NRL: variants seen among roughly 807,000 people sequenced by gnomAD.
NRL encodes neural retina-specific leucine zipper protein.
A neutral mutation model predicts 12.5 loss-of-function variants in NRL; 16 were observed. That is an observed-to-expected ratio of 1.28 (90% CI 0.87 to 1.95). The LOEUF is 1.95. Ranked by LOEUF, NRL falls within the 30% of genes most tolerant of loss-of-function variation. The pLI is 0.00. For missense variants in NRL, 314 were observed against 325.8 expected, an observed-to-expected ratio of 0.96 and a Z score of 0.28; for synonymous variants, 142 against 150.9, an observed-to-expected ratio of 0.94 and a Z score of 0.43.
At chr14:24,100,474 A>G (rs2037117700) in intron 1 of NRL, 1 of 836,212 alleles carries the variant, frequency 1.2e-6, no homozygotes, top group Non-Finnish European at 1.7e-6. Context: ...TTGTGATAGT[A>G]CCTATCTCAT....
At chr14:24,098,692 C>G in intron 1 of NRL, 1 of 1,609,100 alleles carries the variant, frequency 6.2e-7, no homozygotes, top group East Asian at 2.2e-5. Flanking sequence ...AGCACCTGCT[C>G]TGCCCCAAGG....
intron 1 of NRL, among the ~76,000 whole-genome samples, chr14:24,089,062 C>A (rs2036544371): frequency 6.6e-6 from 1 of 152,022 alleles, no homozygotes; most frequent in Non-Finnish European, 1.5e-5. Flanking sequence ...CCTCGGCCTC[C>A]CAAAGTGCTG....
At position 24,114,875 on chromosome 14, in the gene NRL, G is replaced by T; in HGVS notation, c.-181C>A. ...TTGGCCAACGCAGTGGCGGCAGTCG[G>T]TGTAAACAAGGCCTCGCGCCGCTGC... On this transcript the variant is annotated 5_prime_UTR_variant, in exon 1 of 3. Coordinates refer to ENST00000561028, the MANE Select transcript of NRL (RefSeq NM_001354768.3). The T allele has an allele frequency of 6.1e-6, 6 of 985,954 alleles. No individual in the cohort carries two copies. The highest frequency in any genetic ancestry group is 7.2e-6 in the Non-Finnish European group (6 of 829,958). 61.1% of individuals were successfully genotyped at this position (985,954 alleles called of 1,614,324 possible). A position where few individuals can be genotyped will look rare whatever the true frequency, so the allele number is the denominator to read the frequency against.
Position 24,103,947 on chromosome 14 carries a change from C to T in NRL, c.-28+10775G>A, listed in dbSNP as rs201279659. 189 of 1,613,396 alleles carry T rather than the reference C, an allele frequency of 1.2e-4. No homozygotes were observed. The highest frequency in any genetic ancestry group is 8.7e-4 in the East Asian group (39 of 44,892). On this transcript the variant is annotated intron_variant, in intron 1 of 2. Coordinates refer to ENST00000561028, the MANE Select transcript of NRL (RefSeq NM_001354768.3). ...GGCTGAGCTTGAGGCCCTGGAGAGA[C>T]GTGTGCACAAAATGTGACCTGAGGC...
chr14:24,086,110 C>CT (rs1390425283), intron 1 of NRL, among the ~76,000 whole-genome samples: 1 of 152,112 alleles, frequency 6.6e-6, no homozygotes, highest in Non-Finnish European at 1.5e-5. Flanking sequence ...CCAGCTACTC[C>CT]TACTGAGGCA....
rs958122862 is a variant in NRL, at chr14:24,114,835, G to A, written c.-141C>T. On this transcript the variant is annotated 5_prime_UTR_variant, in exon 1 of 3. It adds an upstream start codon to the 5' untranslated region. Coordinates refer to ENST00000561028, the MANE Select transcript of NRL (RefSeq NM_001354768.3). The stretch of plus-strand genomic sequence containing the variant: ...GCGAGATGCGTGACGAGCGAAGCGC[G>A]TGACGGAGGAGCGGTTGGCCAACGC... 18 of 985,842 alleles carry A rather than the reference G, an allele frequency of 1.8e-5. No individual in the cohort carries two copies. The highest frequency in any genetic ancestry group is 1.2e-4 in the African/African-American group (7 of 57,260). The allele number at this position is 985,842 out of a possible 1,614,324, so 61.1% of individuals were successfully genotyped here. A position where few individuals can be genotyped will look rare whatever the true frequency, so the allele number is the denominator to read the frequency against.
At position 24,096,899 on chromosome 14, in the gene NRL, T is replaced by C. The variant is rs754697483; in HGVS notation, c.-27-14024A>G. 3.8e-5 allele frequency: 61 copies of C among 1,612,686 alleles called. 1 individual carries two copies. The South Asian group carries it at 6.4e-4, about 17-fold the overall frequency. On this transcript the variant is annotated intron_variant, in intron 1 of 2. Transcript: ENST00000561028. ...CCTCTGTTTCTCCTATAGGCTTAAC[T>C]GGCATGGGCTGAGCCCCTTGGGCTG...
intron 1 of NRL, chr14:24,099,041 G>T (rs1408483788): frequency 1.9e-6 from 3 of 1,593,166 alleles, no homozygotes; most frequent in Non-Finnish European, 2.6e-6. Flanking sequence ...TGACCCCATT[G>T]TCCCCAGGGG....
At chr14:24,111,411 T>C (rs1039146842) in intron 1 of NRL, among the ~76,000 whole-genome samples, 5 of 152,032 alleles carry the variant, frequency 3.3e-5, no homozygotes, top group African/African-American at 1.2e-4. Flanking sequence ...TTCGCTTTTG[T>C]AGCCCAGGCT....
chr14:24,103,832 C>A lies in NRL; in HGVS notation c.-28+10890G>T, dbSNP rs544648134. ...CTATAGACACCACTCAGCTGTTCTC[C>A]CTCCCCAAGGACTTCTGGGAACAGG... On this transcript the variant is annotated intron_variant, in intron 1 of 2. Transcript: ENST00000561028. 42 of 1,614,124 alleles carry A rather than the reference C, an allele frequency of 2.6e-5. No homozygotes were observed. The South Asian group carries it at 4.5e-4, about 17-fold the overall frequency.
intron 1 of NRL, chr14:24,099,062 CCAGT>C: frequency 1.2e-6 from 2 of 1,602,352 alleles, no homozygotes; most frequent in East Asian, 4.5e-5. Context: ...AGCCAGTGAG[CCAGT>C]GGCCGTGCAA....
At chr14:24,090,494 G>C (rs2138900034) in intron 1 of NRL, among the ~76,000 whole-genome samples, 1 of 152,292 alleles carries the variant, frequency 6.6e-6, no homozygotes, top group East Asian at 1.9e-4. Flanking sequence ...CATTGCATTT[G>C]GTGAGACAGC....
chr14:24,102,961 C>T lies in NRL; in HGVS notation c.-28+11761G>A. 8 of 1,469,210 alleles carry T rather than the reference C, an allele frequency of 5.4e-6. No homozygotes were observed. In the South Asian group the frequency reaches 8.2e-5, roughly 15 times the overall value. The allele number at this position is 1,469,210 out of a possible 1,614,324, so 91.0% of individuals were successfully genotyped here. A position where few individuals can be genotyped will look rare whatever the true frequency, so the allele number is the denominator to read the frequency against. ...TGTATTAGGGCCTACCTCCCTCCCTCTGATCCAGAGCCTCAGCCTGGATCT... is the reference window on the plus strand; with the variant it reads ...TGTATTAGGGCCTACCTCCCTCCCTTTGATCCAGAGCCTCAGCCTGGATCT... On this transcript the variant is annotated intron_variant, in intron 1 of 2. Coordinates refer to ENST00000561028, the MANE Select transcript of NRL (RefSeq NM_001354768.3).
chr14:24,081,510 C>T lies in NRL; in HGVS notation c.440G>A (p.Arg147Gln), dbSNP rs867063994. 5 of 1,602,480 alleles carry T rather than the reference C, an allele frequency of 3.1e-6. No homozygotes were observed. The highest frequency in any genetic ancestry group is 1.1e-5 in the South Asian group (1 of 89,142). The change falls in exon 3 of 3, where the codon CGG (arginine) becomes CAG (glutamine). Residue 147 changes from arginine (R) to glutamine (Q), a missense_variant. Coordinates refer to ENST00000561028, the MANE Select transcript of NRL (RefSeq NM_001354768.3). This position sits in a 1 kb window ranked among gnomAD's most constrained non-coding sequence, Gnocchi z 4.4. ...LVSMSVRELN[R>Q]QLRGCGRDEA... The stretch of plus-strand genomic sequence containing the variant: ...GTCGCGCCCGCAGCCCCGCAGCTGC[C>T]GGTTTAGCTCCCGCACAGACATCGA...
At chr14:24,099,855 C>T in intron 1 of NRL, 1 of 1,554,368 alleles carries the variant, frequency 6.4e-7, no homozygotes, top group Non-Finnish European at 8.9e-7. Context: ...CTCTGGCAGC[C>T]CAGCCACCCG....
At position 24,094,432 on chromosome 14, in the gene NRL, G is replaced by T; in HGVS notation, c.-27-11557C>A. 1 of 1,549,894 alleles carries T rather than the reference G, an allele frequency of 6.5e-7. No individual in the cohort carries two copies. ...TGGCCGCATTGTACCGCCCTGGCCT[G>T]CGGTGAGTGACCCCCGGCCCGGGGC... On this transcript the variant is annotated intron_variant, in intron 1 of 2. Coordinates refer to ENST00000561028, the MANE Select transcript of NRL (RefSeq NM_001354768.3). The surrounding 1 kb of genome is among the most constrained non-coding windows in gnomAD (Gnocchi z 4.1).
intron 1 of NRL, 107 bp downstream of exon 1, chr14:24,114,615 C>T: frequency 1.1e-6 from 1 of 938,090 alleles, no homozygotes; most frequent in Non-Finnish European, 1.3e-6. Flanking sequence ...GTCTCTGATT[C>T]AGGAAGCTGG....
At chr14:24,100,567 G>T (rs2037122608) in intron 1 of NRL, 2 of 1,104,684 alleles carry the variant, frequency 1.8e-6, no homozygotes, top group Non-Finnish European at 2.2e-6. Flanking sequence ...AATAAATACA[G>T]GCTGGATTTT....
intron 1 of NRL, among the ~76,000 whole-genome samples, chr14:24,087,288 G>A (rs988033831): frequency 1.3e-5 from 2 of 152,136 alleles, no homozygotes; most frequent in African/African-American, 4.8e-5. Flanking sequence ...GAAGGGACAG[G>A]ACATAAGATT....
Sources: gnomAD v4.1 joint callset for allele counts (sites outside exome capture counted in the v4.1 genomes callset) on GRCh38, gnomAD v4.1.1 for gene constraint, Gnocchi (gnomAD v3.1) non-coding constraint, MANE v1.5 for transcripts, NCBI Gene and HGNC (gene_info 2026-07-23, HGNC 2026-07-21) for gene names.